TBL1X: variants seen among roughly 807,000 people sequenced by gnomAD.
The protein encoded by TBL1X is F-box-like/WD repeat-containing protein TBL1X.
In TBL1X, 10 loss-of-function variants were observed where a neutral mutation model predicts 50.7. The ratio of observed to expected loss-of-function variants is 0.20; its 90% CI spans 0.12 to 0.33. TBL1X has a LOEUF of 0.33. Among genes scored for constraint, TBL1X ranks in the 10% least tolerant of loss-of-function variants. The pLI, the probability that TBL1X is intolerant of heterozygous loss-of-function variation, is 1.00. For missense variants in TBL1X, 340 were observed against 504.4 expected, an observed-to-expected ratio of 0.67 and a Z score of 3.12; for synonymous variants, 190 against 214.7, an observed-to-expected ratio of 0.88 and a Z score of 1.01.
chrX:9,511,456 G>T (rs961743963), intron 2 of TBL1X, among the ~76,000 whole-genome samples: 2 of 112,082 alleles, frequency 1.8e-5, no homozygotes, highest in Admixed American at 9.5e-5. Context: ...GTTAATTAGG[G>T]TTTATCAGAA....
Position 9,719,511 on chromosome X carries a change from T to C in TBL1X, c.*3265T>C, listed in dbSNP as rs1384396819. 1.8e-5 allele frequency: 2 copies of C among 112,284 alleles called. No homozygotes were observed. Among genetic ancestry groups the C allele is most frequent in the East Asian group, 5.6e-4 (2 of 3,583 alleles). 9.3% of individuals were successfully genotyped at this position (112,284 alleles called of 1,213,427 possible). ...TTTTGCATTCTGGCTTGTGCAGTTT[T>C]TATTGTCTGTGTCAGACGTACAGCC... On this transcript the variant is annotated 3_prime_UTR_variant, in exon 18 of 18. Transcript: ENST00000645353.
chrX:9,556,428 T>C (rs995178840), intron 2 of TBL1X, among the ~76,000 whole-genome samples: 13 of 108,329 alleles, frequency 1.2e-4, no homozygotes, highest in African/African-American at 4.4e-4. Flanking sequence ...GAGGCTGAGG[T>C]GCAAGAATTG....
At chrX:9,588,723 C>G (rs1231078508) in intron 2 of TBL1X, among the ~76,000 whole-genome samples, 1 of 109,303 alleles carries the variant, frequency 9.1e-6, no homozygotes, top group African/African-American at 3.3e-5. Flanking sequence ...CTGCCTCAGT[C>G]TCCTGAGTAG....
At chrX:9,490,120 C>A (rs1475706892) in intron 1 of TBL1X, among the ~76,000 whole-genome samples, 1 of 96,512 alleles carries the variant, frequency 1.0e-5, no homozygotes, top group Admixed American at 1.2e-4. Context: ...TGCACACTCA[C>A]CACATTCAGC....
chrX:9,607,615 G>A (rs2082590212), intron 2 of TBL1X, among the ~76,000 whole-genome samples: 2 of 112,550 alleles, frequency 1.8e-5, no homozygotes, highest in African/African-American at 6.5e-5. Flanking sequence ...GAGACCTGAG[G>A]CTTGGATGGC....
At chrX:9,609,590 A>G (rs67905506) in intron 2 of TBL1X, among the ~76,000 whole-genome samples, 8,790 of 110,759 alleles carry the variant, frequency 0.079, 289 homozygotes, top group Middle Eastern at 0.13. Context: ...TGGAGATTTC[A>G]ATTGCTTCCA....
chrX:9,695,481 T>C (rs994791198), intron 11 of TBL1X, among the ~76,000 whole-genome samples: 2 of 112,849 alleles, frequency 1.8e-5, no homozygotes, highest in African/African-American at 6.4e-5. Flanking sequence ...GTAACATGCA[T>C]ACGCAGCACT....
At chrX:9,532,494 A>G (rs1323110603) in intron 2 of TBL1X, among the ~76,000 whole-genome samples, 1 of 111,176 alleles carries the variant, frequency 9.0e-6, no homozygotes, top group Non-Finnish European at 1.9e-5. Flanking sequence ...TTGGAGAGGG[A>G]ATCCTTTTGC....
At chrX:9,571,118 G>T (rs1486358625) in intron 2 of TBL1X, among the ~76,000 whole-genome samples, 1 of 111,921 alleles carries the variant, frequency 8.9e-6, no homozygotes, top group Non-Finnish European at 1.9e-5. Context: ...CAATTCTGGA[G>T]GCTGGAAGTC....
intron 12 of TBL1X, among the ~76,000 whole-genome samples, chrX:9,699,347 T>C (rs755062885): frequency 1.8e-5 from 2 of 111,947 alleles, no homozygotes; most frequent in South Asian, 3.8e-4. Flanking sequence ...GCAGAGCTAA[T>C]AGACTATTGG....
chrX:9,579,476 G>T (rs12008509), intron 2 of TBL1X, among the ~76,000 whole-genome samples: 1 of 112,065 alleles, frequency 8.9e-6, no homozygotes, highest in Non-Finnish European at 1.9e-5. Context: ...TGGCTCTCCA[G>T]ATCTCTTACA....
intron 1 of TBL1X, among the ~76,000 whole-genome samples, chrX:9,478,183 G>A (rs181283696): frequency 2.7e-5 from 3 of 111,391 alleles, no homozygotes; most frequent in Non-Finnish European, 3.8e-5. Context: ...CATTGTTTGC[G>A]TGTTAACAGT....
intron 2 of TBL1X, among the ~76,000 whole-genome samples, chrX:9,564,765 G>A (rs186826926): frequency 1.8e-5 from 2 of 109,199 alleles, no homozygotes; most frequent in Admixed American, 2.0e-4. Context: ...GAGAAAGTTT[G>A]GTGTTAGTGT....
At chrX:9,691,999 A>C in intron 8 of TBL1X, 114 bp from the exon 9 acceptor site, 1 of 1,112,320 alleles carries the variant, frequency 9.0e-7, no homozygotes, top group Non-Finnish European at 1.2e-6. Context: ...CAGAGGGATG[A>C]AAAAGACAGA....
chrX:9,692,980 C>T (rs182072291), intron 9 of TBL1X, among the ~76,000 whole-genome samples, 169 bp from the exon 10 acceptor site: 4 of 112,358 alleles, frequency 3.6e-5, no homozygotes, highest in African/African-American at 1.3e-4. Flanking sequence ...TTATTTTCTG[C>T]AAGGTCTTAC....
At chrX:9,576,779 G>A (rs946823612) in intron 2 of TBL1X, among the ~76,000 whole-genome samples, 5 of 107,353 alleles carry the variant, frequency 4.7e-5, no homozygotes, top group Non-Finnish European at 5.8e-5. Context: ...TGGGAGGATC[G>A]CTTGAGCCCA....
At chrX:9,507,044 C>G (rs1194820936) in intron 2 of TBL1X, among the ~76,000 whole-genome samples, 1 of 111,984 alleles carries the variant, frequency 8.9e-6, no homozygotes, top group African/African-American at 3.2e-5. Flanking sequence ...ACAAGGATGC[C>G]CTCTCTCACC....
chrX:9,711,399 G>A (rs2083245965), intron 15 of TBL1X, among the ~76,000 whole-genome samples: 1 of 109,498 alleles, frequency 9.1e-6, no homozygotes, highest in Admixed American at 9.7e-5. Flanking sequence ...TCCCTAATAA[G>A]ACCATTAAAG....
chrX:9,489,786 A>G, intron 1 of TBL1X, among the ~76,000 whole-genome samples: 1 of 111,525 alleles, frequency 9.0e-6, no homozygotes, highest in Non-Finnish European at 1.9e-5. Context: ...CACATGGCAA[A>G]GGGAGCAGCC....
Sources: allele counts gnomAD v4.1 joint callset (sites outside exome capture counted in the v4.1 genomes callset), GRCh38; gene constraint gnomAD v4.1.1; transcripts MANE v1.5; gene names NCBI Gene and HGNC (gene_info 2026-07-23, HGNC 2026-07-21).